Variants in GPM6A observed in about 807,000 individuals in gnomAD.
GPM6A encodes the protein neuronal membrane glycoprotein M6-a.
GPM6A carries 7 observed loss-of-function variants against 32.1 expected under a neutral mutation model. That is an observed-to-expected ratio of 0.22 (90% CI 0.12 to 0.41). GPM6A has a LOEUF of 0.41. Among genes scored for constraint, GPM6A ranks in the 10% least tolerant of loss-of-function variants. The pLI, the probability that GPM6A is intolerant of heterozygous loss-of-function variation, is 1.00. For missense variants in GPM6A, 235 were observed against 347.2 expected (o/e 0.68, Z 2.57); for synonymous variants, 130 against 123.4 (o/e 1.05, Z -0.35).
chr4:175,833,414 T>TTGTTCTGTTA (rs1735674890), intron 1 of GPM6A, among the ~76,000 whole-genome samples: 1 of 152,204 alleles, frequency 6.6e-6, no homozygotes. Flanking sequence ...GCTAGTCCGT[T>TTGTTCTGTTA]TGTTTTGTTA....
intron 1 of GPM6A, among the ~76,000 whole-genome samples, chr4:175,759,242 A>C (rs1732647301): frequency 6.6e-6 from 1 of 151,854 alleles, no homozygotes; most frequent in Non-Finnish European, 1.5e-5. Context: ...CCTCATGATG[A>C]TGGTTTTGTG....
chr4:175,998,431 CA>C (rs1201165500), intron 1 of GPM6A, among the ~76,000 whole-genome samples: 1 of 152,210 alleles, frequency 6.6e-6, no homozygotes, highest in Non-Finnish European at 1.5e-5. Context: ...GCTGAGATTA[CA>C]GGCGTGAGCC....
intron 1 of GPM6A, among the ~76,000 whole-genome samples, chr4:175,719,787 C>T (rs1163150112): frequency 1.3e-5 from 2 of 152,086 alleles, no homozygotes; most frequent in African/African-American, 2.4e-5. Flanking sequence ...GCATCAGAGA[C>T]TTTAAAAAGC....
intron 3 of GPM6A, among the ~76,000 whole-genome samples, chr4:175,663,467 T>C (rs1174546037): frequency 1.3e-5 from 2 of 152,176 alleles, no homozygotes. Context: ...TACAACATGG[T>C]CGCTATAGTT....
Position 175,822,168 on chromosome 4 carries a change from T to C in GPM6A, c.-22-9919A>G, listed in dbSNP as rs182990258. Among the ~76,000 whole-genome samples, 354 of 152,250 alleles carry C rather than the reference T, an allele frequency of 2.3e-3. 4 individuals carry two copies. Among genetic ancestry groups the C allele is most frequent in the African/African-American group, 8.2e-3 (340 of 41,568 alleles). ...AAGTAAGATGATTATACAAATTGCA[T>C]CCATTTATATATTAAAGTAAGAATT... On this transcript the variant is annotated intron_variant, in intron 1 of 7. Coordinates refer to the GPM6A transcript ENST00000280187.
intron 1 of GPM6A, chr4:175,962,394 A>G (rs1477386110): frequency 1.4e-6 from 1 of 735,048 alleles, no homozygotes; most frequent in African/African-American, 1.7e-5. Flanking sequence ...CTCCACCCTC[A>G]CCAAGAACAC....
chr4:175,936,893 A>T (rs1194653999), intron 1 of GPM6A, among the ~76,000 whole-genome samples: 1 of 151,230 alleles, frequency 6.6e-6, no homozygotes, highest in East Asian at 1.9e-4. Flanking sequence ...ATATAAACAA[A>T]GAAGTCACAA....
In GPM6A at chr4:175,965,645, A is replaced by G. The variant is rs542117796; in HGVS notation, c.-23+36664T>C. Among the ~76,000 whole-genome samples, 9 of 148,418 alleles carry G rather than the reference A, an allele frequency of 6.1e-5. No individual in the cohort carries two copies. The South Asian group carries it at 1.5e-3, about 25-fold the overall frequency. On this transcript the variant is annotated intron_variant, in intron 1 of 7. Coordinates refer to the GPM6A transcript ENST00000280187. ...TTTTTTTTTTCCAAGACAGAGTTTC[A>G]CCCTGTCTCCCAGGCTGGAGCACAG...
intron 1 of GPM6A, among the ~76,000 whole-genome samples, chr4:175,781,464 C>G (rs542744012): frequency 0.02 from 3,070 of 152,256 alleles, 55 homozygotes; most frequent in Non-Finnish European, 0.031. Context: ...CCATGTCAAG[C>G]TTCCTAAAAC....
intron 1 of GPM6A, among the ~76,000 whole-genome samples, chr4:175,762,386 C>T (rs993920948): frequency 6.6e-6 from 1 of 152,152 alleles, no homozygotes; most frequent in Non-Finnish European, 1.5e-5. Context: ...TTCTTTCATT[C>T]ATTCACCCAA....
intron 1 of GPM6A, among the ~76,000 whole-genome samples, chr4:175,914,655 C>T (rs1291420928): frequency 6.6e-6 from 1 of 152,102 alleles, no homozygotes; most frequent in Non-Finnish European, 1.5e-5. Context: ...ATAAAGTAAA[C>T]ATAAGGTAAA....
intron 1 of GPM6A, among the ~76,000 whole-genome samples, chr4:175,759,283 G>T (rs997728708): frequency 5.3e-5 from 8 of 151,690 alleles, no homozygotes; most frequent in African/African-American, 1.9e-4. Flanking sequence ...AACTAAACAG[G>T]GGTTTGAGGA....
intron 1 of GPM6A, among the ~76,000 whole-genome samples, chr4:175,918,242 A>C (rs1337689574): frequency 6.6e-6 from 1 of 152,202 alleles, no homozygotes; most frequent in Non-Finnish European, 1.5e-5. Flanking sequence ...GTTTTTAAAA[A>C]ACATTGGAGA....
At chr4:175,775,373 T>G (rs902601784) in intron 1 of GPM6A, among the ~76,000 whole-genome samples, 1 of 152,078 alleles carries the variant, frequency 6.6e-6, no homozygotes, top group African/African-American at 2.4e-5. Flanking sequence ...TTTGAAGATA[T>G]AAAAAGAACG....
upstream of GPM6A, among the ~76,000 whole-genome samples, chr4:175,816,913 G>C (rs1352973424): frequency 6.6e-6 from 1 of 151,712 alleles, no homozygotes; most frequent in Admixed American, 6.6e-5. Context: ...AGGCTGGAGT[G>C]CAGCGGCGCG....
At chr4:175,695,327 G>A (rs1469963058) in intron 2 of GPM6A, among the ~76,000 whole-genome samples, 1 of 152,128 alleles carries the variant, frequency 6.6e-6, no homozygotes, top group East Asian at 1.9e-4. Context: ...CTTGTCTTTT[G>A]TGCCTGGAAA....
intron 3 of GPM6A, among the ~76,000 whole-genome samples, chr4:175,661,532 A>G (rs1742416588): frequency 6.6e-6 from 1 of 152,086 alleles, no homozygotes; most frequent in Admixed American, 6.6e-5. Context: ...GCTAAAATGT[A>G]ATTATTGTTT....
intron 1 of GPM6A, among the ~76,000 whole-genome samples, chr4:175,998,662 C>T (rs35392007): frequency 0.13 from 19,095 of 152,066 alleles, 1,292 homozygotes; most frequent in East Asian, 0.22. Context: ...TTTCACTTGA[C>T]CTATCTCTCA....
chr4:175,886,354 G>A (rs939709804), intron 1 of GPM6A, among the ~76,000 whole-genome samples: 2 of 152,264 alleles, frequency 1.3e-5, no homozygotes, highest in South Asian at 2.1e-4. Context: ...GTGACATAAT[G>A]TCTGTAAAAT....
Sources: allele counts gnomAD v4.1 joint callset (sites outside exome capture counted in the v4.1 genomes callset), GRCh38; gene constraint gnomAD v4.1.1; transcripts MANE v1.5; gene names NCBI Gene and HGNC (gene_info 2026-07-23, HGNC 2026-07-21).